LAMC3: variants seen among roughly 807,000 people sequenced by gnomAD.
LAMC3 encodes laminin subunit gamma-3.
In LAMC3, 128 loss-of-function variants were observed where a neutral mutation model predicts 173.8. The observed-to-expected ratio is 0.74, with a 90% CI of 0.64 to 0.85. The LOEUF is 0.85. Among genes scored for constraint, LAMC3 ranks in the 40% least tolerant of loss-of-function variants. The pLI is 0.00. For missense variants in LAMC3, 2,022 were observed against 2,156.0 expected (o/e 0.94, Z 1.23); for synonymous variants, 897 against 909.1 (o/e 0.99, Z 0.24).
intron 1 of LAMC3, among the ~76,000 whole-genome samples, chr9:131,014,823 A>G (rs1004589001): frequency 6.6e-6 from 1 of 152,164 alleles, no homozygotes; most frequent in African/African-American, 2.4e-5. Flanking sequence ...ATAAAAATAG[A>G]AATGAAAAAA....
At chr9:131,038,825 A>C in intron 4 of LAMC3, 39 bp from the exon 5 acceptor site, 1 of 1,603,604 alleles carries the variant, frequency 6.2e-7, no homozygotes, top group Non-Finnish European at 8.5e-7. Context: ...CTACCACATC[A>C]CAGGGGACTC....
rs573913062 is a variant in LAMC3, at chr9:131,018,512, G to A, written c.374-7773G>A. On this transcript the variant is annotated intron_variant, in intron 1 of 27. Transcript: ENST00000361069. ...ACCCTCACAAGCTCCAGGGGCCAAT[G>A]AGGCTTCTGGGTGATTGAGACAGCT... is the stretch of plus-strand genomic sequence containing the variant. Among the ~76,000 whole-genome samples the A allele has an allele frequency of 7.2e-5, 11 of 152,228 alleles. No homozygotes were observed. In the South Asian group the frequency reaches 1.9e-3, roughly 26 times the overall value.
At chr9:131,062,536 A>C (rs1829850502) in intron 13 of LAMC3, among the ~76,000 whole-genome samples, 1 of 151,980 alleles carries the variant, frequency 6.6e-6, no homozygotes, top group African/African-American at 2.4e-5. Context: ...CCATCTCTAG[A>C]ACTTTATCAT....
chr9:131,062,564 G>T (rs78391452), intron 13 of LAMC3, among the ~76,000 whole-genome samples: 1 of 151,700 alleles, frequency 6.6e-6, no homozygotes, highest in African/African-American at 2.4e-5. Context: ...GACAGAAACC[G>T]TACCCATCAA....
At chr9:131,015,323 C>T (rs1021732294) in intron 1 of LAMC3, among the ~76,000 whole-genome samples, 8 of 152,140 alleles carry the variant, frequency 5.3e-5, no homozygotes, top group Admixed American at 3.9e-4. Flanking sequence ...ACAGCAGTGC[C>T]GCCGTCCTCC....
rs1829972626 is a variant in LAMC3, at chr9:131,068,093, C to T, written c.2609C>T (p.Pro870Leu). 3 of 1,611,716 alleles carry T rather than the reference C, an allele frequency of 1.9e-6. No homozygotes were observed. Among genetic ancestry groups the T allele is most frequent in the Non-Finnish European group, 2.5e-6 (3 of 1,180,014 alleles). The change falls in exon 15 of 28, where the codon CCA becomes CTA. Residue 870 changes from proline (P) to leucine (L), a missense_variant. By Grantham distance (98) the Pro-to-Leu change is moderately conservative. Coordinates refer to ENST00000361069, the MANE Select transcript of LAMC3 (RefSeq NM_006059.4). ...CTGCCCCCAGCTTGCAGCTGTCACC[C>T]ACAGGGCTCGGTCAGTGAGCAGATG... ...ADKCMPCSCH[P>L]QGSVSEQMPC...
chr9:131,052,556 C>T lies in LAMC3; in HGVS notation c.1696C>T (p.Pro566Ser), dbSNP rs138637827. Reference protein sequence around the residue: ...QPLILTFRVPPGDSPLPVQLR... With the variant: ...QPLILTFRVPSGDSPLPVQLR... The stretch of plus-strand genomic sequence containing the variant: ...CCTCATACTGACCTTCCGGGTGCCC[C>T]CCGGGGACTCCCCACTCCCTGTACA... Residue 566 changes from proline to serine, a missense_variant, in exon 10 of 28, where the codon CCC becomes TCC. By Grantham distance (74) the Pro-to-Ser change is moderately conservative. Transcript: ENST00000361069. The T allele has an allele frequency of 6.6e-5, 107 of 1,614,050 alleles. No individual in the cohort carries two copies. The highest frequency in any genetic ancestry group is 4.9e-4 in the Middle Eastern group (3 of 6,084).
At chr9:131,048,166 C>T (rs1307408905) in intron 8 of LAMC3, among the ~76,000 whole-genome samples, 1 of 146,988 alleles carries the variant, frequency 6.8e-6, no homozygotes, top group Non-Finnish European at 1.5e-5. Flanking sequence ...AGGCGATTCT[C>T]CTGCCTCAGC....
intron 7 of LAMC3, among the ~76,000 whole-genome samples, chr9:131,043,014 A>C (rs989947151): frequency 2.6e-5 from 4 of 152,108 alleles, no homozygotes; most frequent in Admixed American, 2.0e-4. Context: ...CCCCTTTCAC[A>C]CCCACAACAG....
intron 3 of LAMC3, among the ~76,000 whole-genome samples, chr9:131,032,764 G>C (rs1271997665): frequency 1.3e-5 from 2 of 152,164 alleles, no homozygotes; most frequent in Non-Finnish European, 2.9e-5. Flanking sequence ...TGCCTCCCAG[G>C]TTCAAGGTAT....
intron 14 of LAMC3, among the ~76,000 whole-genome samples, chr9:131,067,593 G>C (rs1305059017): frequency 2.0e-5 from 3 of 152,186 alleles, no homozygotes; most frequent in Admixed American, 2.0e-4. Flanking sequence ...CCTGCAGGAG[G>C]GAAGCTCAGC....
intron 15 of LAMC3, 112 bp downstream of exon 15, chr9:131,068,343 C>A: frequency 9.0e-7 from 1 of 1,106,802 alleles, no homozygotes; most frequent in Non-Finnish European, 1.3e-6. Context: ...AGGCCCACTG[C>A]CAGGCACATT....
At position 131,009,443 on chromosome 9, in the gene LAMC3, T is replaced by C; in HGVS notation, c.229T>C (p.Cys77Arg). Reference protein sequence around the residue: ...AAGAGAHCQRCDAADPQRHHN... With the variant: ...AAGAGAHCQRRDAADPQRHHN... Reference sequence around the variant, plus strand: ...GGGCGCGGGGGCTCATTGCCAGCGCTGCGACGCCGCCGACCCCCAGCGCCA... The same window carrying C: ...GGGCGCGGGGGCTCATTGCCAGCGCCGCGACGCCGCCGACCCCCAGCGCCA... Residue 77 changes from cysteine (C) to arginine (R), a missense_variant, in exon 1 of 28, where the codon TGC (cysteine) becomes CGC (arginine). Cys to Arg is a radical substitution (Grantham distance 180). Transcript: ENST00000361069. This position sits in a 1 kb window ranked among gnomAD's most constrained non-coding sequence, Gnocchi z 4.3. The C allele has an allele frequency of 2.6e-6, 4 of 1,545,684 alleles. No homozygotes were observed. Among genetic ancestry groups the C allele is most frequent in the Non-Finnish European group, 3.5e-6 (4 of 1,146,108 alleles).
Position 131,009,485 on chromosome 9 carries a change from C to G in LAMC3, c.271C>G (p.Leu91Val), listed in dbSNP as rs558248554. ...CCAGCGCCACCACAACGCCTCCTAC[C>G]TCACCGACTTCCACAGCCAGGACGA... ...DPQRHHNASY[L>V]TDFHSQDEST... Residue 91 changes from leucine to valine, a missense_variant, in exon 1 of 28, where the codon CTC (leucine) becomes GTC (valine). Physicochemically the swap from Leu to Val is conservative, Grantham distance 32. Transcript: ENST00000361069. This position sits in a 1 kb window ranked among gnomAD's most constrained non-coding sequence, Gnocchi z 4.3. 140 of 1,549,974 alleles carry G rather than the reference C, an allele frequency of 9.0e-5. No individual in the cohort carries two copies. The highest frequency in any genetic ancestry group is 6.5e-5 in the Non-Finnish European group (74 of 1,147,066).
At chr9:131,085,447 G>A in intron 24 of LAMC3, 77 bp from the exon 25 acceptor site, 2 of 1,487,286 alleles carry the variant, frequency 1.3e-6, no homozygotes, top group Non-Finnish European at 1.9e-6. Context: ...CAGCCAGGCA[G>A]CTCTGCCAGC....
rs770859913 is a variant in LAMC3 at position 131,041,632 on chromosome 9, G to A, written c.1284-5G>A. ...CATTTTCCTCTTGTCCTGTCTCATT[G>A]GCAGACCCTGCACTTGCAATCCCGC... On this transcript the variant is annotated splice_polypyrimidine_tract_variant and splice_region_variant and intron_variant, in intron 6 of 27. Coordinates refer to ENST00000361069, the MANE Select transcript of LAMC3 (RefSeq NM_006059.4). 7 of 1,613,456 alleles carry A rather than the reference G, an allele frequency of 4.3e-6. No homozygotes were observed. In the African/African-American group the frequency reaches 9.3e-5, roughly 22 times the overall value.
rs34334770 is a variant in LAMC3 at position 131,029,943 on chromosome 9, CT to C, written c.679-2085del. ...TTCAGTGGGGATTGCCCTAAAATGA[CT>C]TTTTTTTTTTTTTTTTGAGACAGTT... On this transcript the variant is annotated intron_variant, in intron 2 of 27. Transcript: ENST00000361069. This position sits in a 1 kb window ranked among gnomAD's most constrained non-coding sequence, Gnocchi z 4.6. Among the ~76,000 whole-genome samples the C allele has an allele frequency of 0.11, 15,618 of 138,904 alleles. 782 individuals are homozygous for C. The highest frequency in any genetic ancestry group is 0.2 in the South Asian group (870 of 4,310). 91.1% of individuals were successfully genotyped at this position (138,904 alleles called of 152,430 possible). A position where few individuals can be genotyped will look rare whatever the true frequency, so the allele number is the denominator to read the frequency against.
At chr9:131,044,550 A>G (rs931344940) in intron 7 of LAMC3, among the ~76,000 whole-genome samples, 1 of 152,164 alleles carries the variant, frequency 6.6e-6, no homozygotes, top group Non-Finnish European at 1.5e-5. Context: ...CGTCCGGCCT[A>G]TTCAGTGACT....
intron 2 of LAMC3, among the ~76,000 whole-genome samples, chr9:131,031,409 G>A (rs936602032): frequency 2.0e-5 from 3 of 152,206 alleles, no homozygotes; most frequent in Admixed American, 6.5e-5. Flanking sequence ...CAGGGCCAGG[G>A]AAACAGTGAG....
Sources: allele counts gnomAD v4.1 joint callset (sites outside exome capture counted in the v4.1 genomes callset), GRCh38; gene constraint gnomAD v4.1.1; non-coding constraint Gnocchi (gnomAD v3.1); transcripts MANE v1.5; gene names NCBI Gene and HGNC (gene_info 2026-07-23, HGNC 2026-07-21).